Variants in PIWIL2 observed in about 807,000 individuals in gnomAD.
PIWIL2 encodes piwi-like protein 2.
PIWIL2 carries 81 observed loss-of-function variants against 116.5 expected under a neutral mutation model. The observed-to-expected ratio is 0.70, with a 90% CI of 0.58 to 0.84. The LOEUF (loss-of-function observed/expected upper bound fraction) is 0.84, where lower values mean the gene tolerates loss of function less well. PIWIL2 is among the 40% of genes least tolerant of loss of function. The probability of loss-of-function intolerance (pLI) is 0.00; values close to 1 mark genes in which losing one functional copy is unlikely to be tolerated. For synonymous variants in PIWIL2, 489 were observed against 429.5 expected, an observed-to-expected ratio of 1.14 and a Z score of -1.71; for missense variants, 1,272 against 1,212.3, an observed-to-expected ratio of 1.05 and a Z score of -0.73.
intron 20 of PIWIL2, among the ~76,000 whole-genome samples, chr8:22,324,726 A>G (rs1279533340): frequency 2.0e-5 from 3 of 152,252 alleles, no homozygotes; most frequent in Non-Finnish European, 2.9e-5. Context: ...AAGTCTTTGC[A>G]TATGATTAAA....
intron 20 of PIWIL2, among the ~76,000 whole-genome samples, chr8:22,347,470 G>A (rs1341976521): frequency 6.7e-6 from 1 of 149,070 alleles, no homozygotes; most frequent in African/African-American, 2.5e-5. Flanking sequence ...GCTCGCCTCA[G>A]CCTCCCAAAG....
At chr8:22,355,327 A>G (rs372906776) in intron 22 of PIWIL2, 22 bp from the exon 23 acceptor site, 1 of 1,613,200 alleles carries the variant, frequency 6.2e-7, no homozygotes, top group Non-Finnish European at 8.5e-7. Flanking sequence ...GATGAGAATT[A>G]TATTTTCTTC....
intron 20 of PIWIL2, among the ~76,000 whole-genome samples, chr8:22,340,118 T>C (rs1168836471): frequency 1.5e-5 from 2 of 133,812 alleles, no homozygotes; most frequent in Non-Finnish European, 3.1e-5. Flanking sequence ...AATGGTGCAA[T>C]CTCAGCTCAC....
intron 1 of PIWIL2, among the ~76,000 whole-genome samples, chr8:22,278,162 C>G (rs979799925): frequency 2.7e-5 from 4 of 149,792 alleles, no homozygotes; most frequent in African/African-American, 7.4e-5. Context: ...GAGTGAAACT[C>G]CGTCTAAAAA....
At chr8:22,279,632 T>G in intron 2 of PIWIL2, 48 bp downstream of exon 2, 2 of 1,535,398 alleles carry the variant, frequency 1.3e-6, no homozygotes, top group Non-Finnish European at 1.8e-6. Context: ...CTTACCTGTG[T>G]GCCGTCAGAG....
chr8:22,344,056 A>G (rs1832170682), intron 20 of PIWIL2, among the ~76,000 whole-genome samples: 1 of 152,220 alleles, frequency 6.6e-6, no homozygotes, highest in African/African-American at 2.4e-5. Flanking sequence ...AAAAGAAATA[A>G]GCCATTAAGC....
intron 20 of PIWIL2, among the ~76,000 whole-genome samples, chr8:22,348,878 A>G (rs1283687012): frequency 1.3e-5 from 2 of 152,200 alleles, no homozygotes; most frequent in Non-Finnish European, 2.9e-5. Flanking sequence ...AGACAGCTTA[A>G]CATTGTTGAT....
Position 22,304,098 on chromosome 8 carries a change from C to A in PIWIL2, c.1259C>A (p.Thr420Asn). The A allele has an allele frequency of 6.2e-7, 1 of 1,612,064 alleles. No individual in the cohort carries two copies. Among genetic ancestry groups the A allele is most frequent in the Non-Finnish European group, 8.5e-7 (1 of 1,178,174 alleles). ...TKLLVGNIVI[T>N]RYNNRTYRID... The stretch of plus-strand genomic sequence containing the variant: ...CTTCTGGTTGGCAATATTGTTATCA[C>A]CCGATATAACAATCGTACCTATCGT... Residue 420 changes from threonine (T) to asparagine (N), a missense_variant, in exon 11 of 23, where the codon ACC (threonine) becomes AAC (asparagine). By Grantham distance (65) the Thr-to-Asn change is moderately conservative. Transcript: ENST00000356766.
chr8:22,334,527 AAAAAAG>A (rs1380960513), intron 20 of PIWIL2, among the ~76,000 whole-genome samples: 1 of 151,204 alleles, frequency 6.6e-6, no homozygotes. Context: ...CTCAAAAAAA[AAAAAAG>A]AAAAGAAAAT....
intron 20 of PIWIL2, among the ~76,000 whole-genome samples, chr8:22,349,889 C>G (rs1832316874): frequency 6.6e-6 from 1 of 152,226 alleles, no homozygotes; most frequent in Admixed American, 6.5e-5. Context: ...TTTGCATTCT[C>G]TACTCAAGAT....
chr8:22,285,068 T>C (rs892540638), intron 6 of PIWIL2, among the ~76,000 whole-genome samples: 1 of 152,218 alleles, frequency 6.6e-6, no homozygotes, highest in Non-Finnish European at 1.5e-5. Flanking sequence ...TCACCTCACC[T>C]ACTTACTGTT....
chr8:22,313,459 A>G (rs1288904042), intron 16 of PIWIL2, among the ~76,000 whole-genome samples: 1 of 152,106 alleles, frequency 6.6e-6, no homozygotes, highest in Non-Finnish European at 1.5e-5. Context: ...AAACATAAAC[A>G]CTTTTAAGTC....
intron 14 of PIWIL2, 36 bp downstream of exon 14, chr8:22,308,109 C>T (rs937735042): frequency 1.3e-5 from 20 of 1,550,312 alleles, no homozygotes; most frequent in Non-Finnish European, 1.8e-5. Context: ...TGCACATGTA[C>T]AGAGACACGT....
At chr8:22,350,466 C>T (rs528805189) in intron 20 of PIWIL2, among the ~76,000 whole-genome samples, 1 of 151,978 alleles carries the variant, frequency 6.6e-6, no homozygotes, top group East Asian at 1.9e-4. Context: ...CATGGTGACA[C>T]AAACTTGTAG....
At chr8:22,348,249 G>A (rs1461983175) in intron 20 of PIWIL2, among the ~76,000 whole-genome samples, 2 of 151,506 alleles carry the variant, frequency 1.3e-5, no homozygotes, top group African/African-American at 4.9e-5. Context: ...GCAGTGAGCC[G>A]AGATCACACC....
In PIWIL2 at chr8:22,315,023, T is replaced by C. The variant is rs1831422425; in HGVS notation, c.2092-6T>C. The C allele has an allele frequency of 2.5e-6, 4 of 1,581,446 alleles. No individual in the cohort carries two copies. Among genetic ancestry groups the C allele is most frequent in the Non-Finnish European group, 3.5e-6 (4 of 1,150,294 alleles). ...CTCCTGACACCTTTTGGTCCCTTCA[T>C]TATAGGTTGTCAATGTTCGAACCAT... On this transcript the variant is annotated splice_polypyrimidine_tract_variant and splice_region_variant and intron_variant, in intron 17 of 22. Coordinates refer to ENST00000356766, the MANE Select transcript of PIWIL2 (RefSeq NM_018068.5).
In PIWIL2 at chr8:22,281,363, G is replaced by C. The variant is rs1563343593; in HGVS notation, c.287-14G>C. On this transcript the variant is annotated splice_polypyrimidine_tract_variant and intron_variant, in intron 3 of 22. Transcript: ENST00000356766. ...AAGTCATAGTCATTGCTGGGGTTCGGTTCTTTCTTTCAGGTAGAGGCATTT... is the reference window on the plus strand; with the variant it reads ...AAGTCATAGTCATTGCTGGGGTTCGCTTCTTTCTTTCAGGTAGAGGCATTT... 1 of 1,605,922 alleles carries C rather than the reference G, an allele frequency of 6.2e-7. No homozygotes were observed. Among genetic ancestry groups the C allele is most frequent in the Admixed American group, 1.7e-5 (1 of 57,208 alleles).
intron 10 of PIWIL2, among the ~76,000 whole-genome samples, chr8:22,296,550 A>G (rs1015738161): frequency 6.6e-6 from 1 of 152,096 alleles, no homozygotes; most frequent in African/African-American, 2.4e-5. Context: ...TGGGTGTATA[A>G]CTCTAGGTTA....
chr8:22,321,846 G>A, intron 20 of PIWIL2: 1 of 984,702 alleles, frequency 1.0e-6, no homozygotes, highest in Non-Finnish European at 1.2e-6. Flanking sequence ...CTTCCCCTAG[G>A]AATGGCAGTA....
Sources: gnomAD v4.1 joint callset for allele counts (sites outside exome capture counted in the v4.1 genomes callset) on GRCh38, gnomAD v4.1.1 for gene constraint, MANE v1.5 for transcripts, NCBI Gene and HGNC (gene_info 2026-07-23, HGNC 2026-07-21) for gene names.